EPB41L5: variants seen among roughly 807,000 people sequenced by gnomAD.
EPB41L5 encodes erythrocyte membrane protein band 4.1 like 5, also known as band 4.1-like protein 5.
A neutral mutation model predicts 106.6 loss-of-function variants in EPB41L5; 55 were observed. That is an observed-to-expected ratio of 0.52 (90% CI 0.42 to 0.65). The LOEUF (loss-of-function observed/expected upper bound fraction) is 0.65, where lower values mean the gene tolerates loss of function less well. Among genes scored for constraint, EPB41L5 ranks in the 30% least tolerant of loss-of-function variants. EPB41L5 has a pLI of 0.00. For missense variants in EPB41L5, 871 were observed against 882.1 expected (o/e 0.99, Z 0.16); for synonymous variants, 297 against 306.7 (o/e 0.97, Z 0.33).
intron 1 of EPB41L5, chr2:120,013,532 C>T (rs1276346015): frequency 6.6e-6 from 1 of 152,196 alleles, no homozygotes; most frequent in African/African-American, 2.4e-5. Context: ...GGGTACCCCT[C>T]GCTGGTCCGC....
chr2:120,088,618 G>T (rs572128591), intron 11 of EPB41L5, among the ~76,000 whole-genome samples: 2 of 152,270 alleles, frequency 1.3e-5, no homozygotes, highest in African/African-American at 2.4e-5. Flanking sequence ...AAAGAGTGCT[G>T]CTCTGAACAC....
chr2:120,110,978 G>T (rs1158402425), intron 16 of EPB41L5, among the ~76,000 whole-genome samples: 3 of 151,932 alleles, frequency 2.0e-5, no homozygotes, highest in Non-Finnish European at 4.4e-5. Context: ...TCCATAACTT[G>T]TACCAATGTT....
At chr2:120,106,299 A>G (rs1365306730) in intron 16 of EPB41L5, 1 of 985,236 alleles carries the variant, frequency 1.0e-6, no homozygotes, top group Non-Finnish European at 1.2e-6. Context: ...GTAAAATTAA[A>G]CTTGTCTATT....
In EPB41L5 at chr2:120,163,270, C is replaced by A. The variant is rs1037779060; in HGVS notation, c.1888-1566C>A. Among the ~76,000 whole-genome samples the A allele has an allele frequency of 2.4e-4, 33 of 139,868 alleles. 1 individual carries two copies. In the South Asian group the frequency reaches 3.6e-3, roughly 15 times the overall value. The allele number at this position is 139,868 out of a possible 152,430, so 91.8% of individuals were successfully genotyped here. A position where few individuals can be genotyped will look rare whatever the true frequency, so the allele number is the denominator to read the frequency against. On this transcript the variant is annotated intron_variant, in intron 21 of 24. Transcript: ENST00000263713. ...ACCGTGTCCCTCTGCCCCCCCCCCC[C>A]CCAAAAAAAGAAAGAAATGTATGAA...
chr2:120,159,686 T>C (rs1467162833), intron 20 of EPB41L5, among the ~76,000 whole-genome samples: 1 of 152,186 alleles, frequency 6.6e-6, no homozygotes, highest in East Asian at 1.9e-4. Context: ...AACTGCATGT[T>C]GCTGGTATAA....
intron 10 of EPB41L5, among the ~76,000 whole-genome samples, chr2:120,080,570 G>A (rs879019865): frequency 9.9e-5 from 15 of 152,156 alleles, no homozygotes; most frequent in Admixed American, 8.5e-4. Context: ...GTAAACATAC[G>A]TGTGCATGTG....
At chr2:120,125,435 A>G (rs1345716925) in intron 16 of EPB41L5, among the ~76,000 whole-genome samples, 1 of 152,140 alleles carries the variant, frequency 6.6e-6, no homozygotes, top group Non-Finnish European at 1.5e-5. Flanking sequence ...AAATATATTT[A>G]CATATGCTCC....
At position 120,048,039 on chromosome 2, in the gene EPB41L5, G is replaced by A. The variant is rs542053215; in HGVS notation, c.285+5929G>A. On this transcript the variant is annotated intron_variant, in intron 3 of 24. Transcript: ENST00000263713. ...CTTGATCATGGTGGATAAGCTTTTT[G>A]ATGTGCTCCTGGATTCGGTTTGCCA... is the stretch of plus-strand genomic sequence containing the variant. Among the ~76,000 whole-genome samples the A allele has an allele frequency of 3.9e-5, 6 of 152,322 alleles. No homozygotes were observed. The South Asian group carries it at 1.2e-3, about 32-fold the overall frequency.
chr2:120,071,121 A>T (rs1681833911), intron 3 of EPB41L5, among the ~76,000 whole-genome samples: 1 of 152,246 alleles, frequency 6.6e-6, no homozygotes. Context: ...CCTTAAGCTG[A>T]TAAGTAACTT....
chr2:120,098,690 T>C (rs1423817205), intron 14 of EPB41L5, among the ~76,000 whole-genome samples: 1 of 152,236 alleles, frequency 6.6e-6, no homozygotes, highest in East Asian at 1.9e-4. Context: ...GTGCAAGTTA[T>C]AGTGACTCAA....
At chr2:120,158,038 A>G (rs1388136137) in intron 20 of EPB41L5, among the ~76,000 whole-genome samples, 3 of 152,196 alleles carry the variant, frequency 2.0e-5, no homozygotes, top group African/African-American at 4.8e-5. Context: ...CACTCTCCCA[A>G]GGCAGCCAGG....
chr2:120,085,821 C>G (rs1683017486), intron 10 of EPB41L5, among the ~76,000 whole-genome samples: 1 of 152,160 alleles, frequency 6.6e-6, no homozygotes, highest in African/African-American at 2.4e-5. Context: ...GCTTCCTGGC[C>G]TAAGAATGCT....
chr2:120,133,397 C>T (rs1010094701), intron 18 of EPB41L5, among the ~76,000 whole-genome samples: 1 of 152,008 alleles, frequency 6.6e-6, no homozygotes, highest in Non-Finnish European at 1.5e-5. Flanking sequence ...TGCCACCCCT[C>T]CCCTATGGAG....
intron 14 of EPB41L5, among the ~76,000 whole-genome samples, chr2:120,097,208 T>TA (rs1683815685): frequency 1.3e-5 from 2 of 152,200 alleles, no homozygotes; most frequent in Non-Finnish European, 2.9e-5. Context: ...TTTTTTAGAC[T>TA]AAGCTTTTAG....
chr2:120,052,276 A>T (rs970674604), intron 3 of EPB41L5, among the ~76,000 whole-genome samples: 2 of 152,152 alleles, frequency 1.3e-5, no homozygotes, highest in Admixed American at 6.5e-5. Context: ...GGTTTGTCTG[A>T]TGTTCCCTTA....
intron 12 of EPB41L5, among the ~76,000 whole-genome samples, chr2:120,090,861 A>T (rs1207205402): frequency 6.6e-6 from 1 of 152,178 alleles, no homozygotes. Flanking sequence ...TGAATGGGAT[A>T]TTAGTCTGGA....
chr2:120,041,159 CTA>C (rs1679379452), intron 2 of EPB41L5, among the ~76,000 whole-genome samples: 1 of 152,062 alleles, frequency 6.6e-6, no homozygotes, highest in African/African-American at 2.4e-5. Flanking sequence ...ATAAAAATAA[CTA>C]TTTTCTAAAA....
chr2:120,077,664 C>T (rs1682343495), intron 9 of EPB41L5, among the ~76,000 whole-genome samples: 3 of 151,948 alleles, frequency 2.0e-5, no homozygotes, highest in Admixed American at 6.6e-5. Flanking sequence ...TGAGTAGGCT[C>T]TGTTAAAATA....
intron 16 of EPB41L5, among the ~76,000 whole-genome samples, chr2:120,123,646 CTTTTTTTTTT>C (rs869296989): frequency 9.4e-4 from 64 of 68,338 alleles, no homozygotes; most frequent in Admixed American, 2.1e-3. Context: ...GTGTTCGTCC[CTTTTTTTTTT>C]TTTTTTTTTT....
Sources: allele counts gnomAD v4.1 joint callset (sites outside exome capture counted in the v4.1 genomes callset), GRCh38; gene constraint gnomAD v4.1.1; transcripts MANE v1.5; gene names NCBI Gene and HGNC (gene_info 2026-07-23, HGNC 2026-07-21).